The following NR1H4 variants were observed in gnomAD, a reference collection of about 807,000 sequenced individuals.
NR1H4 encodes bile acid receptor.
A neutral mutation model predicts 58.5 loss-of-function variants in NR1H4; 23 were observed. The ratio of observed to expected loss-of-function variants is 0.39; its 90% CI spans 0.28 to 0.56. The LOEUF (loss-of-function observed/expected upper bound fraction) is 0.56. NR1H4 is among the 20% of genes least tolerant of loss of function. The pLI is 0.58. For missense variants in NR1H4, 487 were observed against 576.9 expected (o/e 0.84, Z 1.60); for synonymous variants, 214 against 198.0 (o/e 1.08, Z -0.68).
chr12:100,514,734 G>T (rs928901299), intron 4 of NR1H4, among the ~76,000 whole-genome samples: 13 of 152,070 alleles, frequency 8.5e-5, no homozygotes, highest in African/African-American at 2.9e-4. Flanking sequence ...ATATTTCTTG[G>T]GTGCCTCTAA....
chr12:100,497,897 C>T (rs1326148972), intron 3 of NR1H4, among the ~76,000 whole-genome samples: 1 of 152,068 alleles, frequency 6.6e-6, no homozygotes, highest in Non-Finnish European at 1.5e-5. Context: ...AATTTAGAGA[C>T]TAAAGAGACA....
chr12:100,487,854 C>T (rs150631023), intron 1 of NR1H4, among the ~76,000 whole-genome samples: 2,589 of 152,000 alleles, frequency 0.017, 30 homozygotes, highest in Non-Finnish European at 0.027. Context: ...TCAAGTGATC[C>T]GCCTGTCTCA....
chr12:100,512,995 A>AT (rs976760920), intron 4 of NR1H4, among the ~76,000 whole-genome samples: 6 of 152,186 alleles, frequency 3.9e-5, no homozygotes, highest in South Asian at 2.1e-4. Flanking sequence ...TATTGTTAGA[A>AT]TTTTTTTTAA....
chr12:100,480,431 A>G (rs952591169), intron 1 of NR1H4, among the ~76,000 whole-genome samples: 3 of 152,210 alleles, frequency 2.0e-5, no homozygotes, highest in Admixed American at 2.0e-4. Context: ...CTAGTGGGAA[A>G]TCTTAGATCT....
rs775596475 is a variant in NR1H4, at chr12:100,536,505, A to G, written c.733-7A>G. 4 of 1,554,808 alleles carry G rather than the reference A, an allele frequency of 2.6e-6. No homozygotes were observed. Among genetic ancestry groups the G allele is most frequent in the East Asian group, 2.2e-5 (1 of 44,502 alleles). On this transcript the variant is annotated splice_polypyrimidine_tract_variant and splice_region_variant and intron_variant, in intron 6 of 10. Coordinates refer to ENST00000392986, the MANE Select transcript of NR1H4 (RefSeq NM_001206979.2). ...CCCTAACACCTTTTATTTTCTTGCC[A>G]GTGTAGGAGAAAACTGAACTCACCC...
intron 9 of NR1H4, among the ~76,000 whole-genome samples, chr12:100,556,466 T>TAA (rs2014766151): frequency 8.7e-6 from 1 of 114,950 alleles, no homozygotes; most frequent in Non-Finnish European, 2.0e-5. Flanking sequence ...AAACTCCGTC[T>TAA]CAAAGAAAAA....
At chr12:100,527,308 G>T (rs1483834805) in intron 4 of NR1H4, among the ~76,000 whole-genome samples, 2 of 152,216 alleles carry the variant, frequency 1.3e-5, no homozygotes, top group Non-Finnish European at 2.9e-5. Flanking sequence ...CAGGAGGATT[G>T]CTTGAGCCCA....
At chr12:100,527,958 G>A (rs1157018713) in intron 4 of NR1H4, among the ~76,000 whole-genome samples, 3 of 152,130 alleles carry the variant, frequency 2.0e-5, no homozygotes, top group Non-Finnish European at 2.9e-5. Context: ...TACCATTTTA[G>A]AACAGTGCCT....
At chr12:100,476,257 G>T (rs1053399177) in intron 1 of NR1H4, among the ~76,000 whole-genome samples, 3 of 152,104 alleles carry the variant, frequency 2.0e-5, no homozygotes, top group African/African-American at 7.2e-5. Flanking sequence ...GGGACCAGCC[G>T]TTAAGCATTC....
At chr12:100,558,355 A>G (rs1271177898) in intron 9 of NR1H4, among the ~76,000 whole-genome samples, 6 of 38,210 alleles carry the variant, frequency 1.6e-4, no homozygotes, top group African/African-American at 3.6e-4. Context: ...ATCTCAAAAA[A>G]AAAAAAAAAA....
chr12:100,554,579 C>A (rs1166190280), intron 9 of NR1H4, among the ~76,000 whole-genome samples: 2 of 152,162 alleles, frequency 1.3e-5, no homozygotes, highest in Non-Finnish European at 2.9e-5. Flanking sequence ...TTATTAATCA[C>A]AGACCTCTTT....
chr12:100,477,482 G>A (rs1953295720), intron 1 of NR1H4, among the ~76,000 whole-genome samples: 2 of 152,152 alleles, frequency 1.3e-5, no homozygotes, highest in South Asian at 4.2e-4. Flanking sequence ...GAGACAACCT[G>A]GGTCTATTAC....
At chr12:100,558,620 A>G (rs1040822359) in intron 9 of NR1H4, among the ~76,000 whole-genome samples, 4 of 152,192 alleles carry the variant, frequency 2.6e-5, no homozygotes, top group Non-Finnish European at 4.4e-5. Flanking sequence ...TGGCCTCCTT[A>G]AGTGTTGGGA....
At position 100,544,709 on chromosome 12, in the gene NR1H4, G is replaced by T. The variant is rs533364679; in HGVS notation, c.1078+3891G>T. Among the ~76,000 whole-genome samples, 389 of 152,216 alleles carry T rather than the reference G, an allele frequency of 2.6e-3. 2 individuals are homozygous for T. Among genetic ancestry groups the T allele is most frequent in the African/African-American group, 9.0e-3 (374 of 41,546 alleles). The stretch of plus-strand genomic sequence containing the variant: ...GGAATAACGAAAAAAATGAATGAAG[G>T]TTTGTCCGGAGCTATAAAACTGGTC... On this transcript the variant is annotated intron_variant, in intron 9 of 10. Transcript: ENST00000392986.
intron 9 of NR1H4, among the ~76,000 whole-genome samples, chr12:100,549,555 G>C (rs1220860586): frequency 6.6e-6 from 1 of 152,088 alleles, no homozygotes; most frequent in Non-Finnish European, 1.5e-5. Flanking sequence ...AATGATGAGG[G>C]TCTTGCTGGT....
chr12:100,495,046 G>C (rs1192857010), intron 3 of NR1H4, among the ~76,000 whole-genome samples: 1 of 152,184 alleles, frequency 6.6e-6, no homozygotes, highest in East Asian at 1.9e-4. Flanking sequence ...AGGTGAAAAA[G>C]ATGCCAGTAA....
intron 9 of NR1H4, among the ~76,000 whole-genome samples, chr12:100,556,480 AAC>A (rs1344424463): frequency 5.3e-5 from 8 of 151,598 alleles, no homozygotes; most frequent in Non-Finnish European, 8.9e-5. Flanking sequence ...AGAAAAAAAA[AAC>A]AAAAAACAAA....
chr12:100,539,068 A>G (rs1298410128), intron 8 of NR1H4, among the ~76,000 whole-genome samples: 3 of 152,228 alleles, frequency 2.0e-5, no homozygotes, highest in Admixed American at 6.5e-5. Context: ...GAAGACAAAT[A>G]AAAACCTTAT....
chr12:100,513,846 AAGGAAGGAAGGAAGGAAGG>A (rs1334054426), intron 4 of NR1H4, among the ~76,000 whole-genome samples: 1 of 142,822 alleles, frequency 7.0e-6, no homozygotes, highest in Non-Finnish European at 1.5e-5. Flanking sequence ...GGAAGGAAGG[AAGGAAGGAAGGAAGGAAGG>A]AAGGAAAAAA....
Sources: gnomAD v4.1 joint callset for allele counts (sites outside exome capture counted in the v4.1 genomes callset) on GRCh38, gnomAD v4.1.1 for gene constraint, MANE v1.5 for transcripts, NCBI Gene and HGNC (gene_info 2026-07-23, HGNC 2026-07-21) for gene names.